SLC44A5: variants seen among roughly 807,000 people sequenced by gnomAD.
SLC44A5 encodes the protein solute carrier family 44 member 5, also known as choline transporter-like protein 5.
A neutral mutation model predicts 101.8 loss-of-function variants in SLC44A5; 57 were observed. That is an observed-to-expected ratio of 0.56 (90% CI 0.45 to 0.70). SLC44A5 has a LOEUF of 0.70. Among genes scored for constraint, SLC44A5 ranks in the 30% least tolerant of loss-of-function variants. SLC44A5 has a pLI of 0.00. For synonymous variants in SLC44A5, 281 were observed against 290.9 expected (o/e 0.97, Z 0.35); for missense variants, 737 against 853.1 (o/e 0.86, Z 1.70).
intron 14 of SLC44A5, 148 bp from the exon 15 acceptor site, chr1:75,220,040 A>G: frequency 2.0e-6 from 1 of 504,840 alleles, no homozygotes; most frequent in South Asian, 3.7e-5. Flanking sequence ...ATTTTTATTT[A>G]TTTATTTACT....
At chr1:75,517,191 TTTTAA>T (rs1669881337) in intron 2 of SLC44A5, among the ~76,000 whole-genome samples, 1 of 152,222 alleles carries the variant, frequency 6.6e-6, no homozygotes, top group African/African-American at 2.4e-5. Context: ...AATCCTTTTC[TTTTAA>T]TTTGTCTGCC....
chr1:75,604,790 G>C (rs915798558), intron 1 of SLC44A5, among the ~76,000 whole-genome samples: 12 of 151,386 alleles, frequency 7.9e-5, no homozygotes, highest in Admixed American at 2.6e-4. Flanking sequence ...CTGTAAATTA[G>C]GCTATGTTCT....
At chr1:75,502,014 T>A (rs1668986215) in intron 2 of SLC44A5, among the ~76,000 whole-genome samples, 1 of 152,188 alleles carries the variant, frequency 6.6e-6, no homozygotes, top group Non-Finnish European at 1.5e-5. Flanking sequence ...ATTACTGAAG[T>A]TCTTTGTGAT....
chr1:75,207,635 A>G (rs1001920837), intron 23 of SLC44A5, among the ~76,000 whole-genome samples: 8 of 152,174 alleles, frequency 5.3e-5, no homozygotes, highest in Admixed American at 2.0e-4. Flanking sequence ...ATGAAAAGCA[A>G]AAGAGGGAAC....
intron 2 of SLC44A5, among the ~76,000 whole-genome samples, chr1:75,416,023 A>G (rs1261506305): frequency 3.9e-5 from 6 of 152,212 alleles, no homozygotes; most frequent in Non-Finnish European, 8.8e-5. Flanking sequence ...CCATTTTCTG[A>G]GTAGAATCCA....
intron 3 of SLC44A5, among the ~76,000 whole-genome samples, chr1:75,389,296 G>A (rs1405802396): frequency 6.6e-6 from 1 of 151,952 alleles, no homozygotes; most frequent in Non-Finnish European, 1.5e-5. Context: ...AGAAATTCTG[G>A]ACTAAATTCA....
chr1:75,578,952 A>G (rs1294642275), intron 1 of SLC44A5, among the ~76,000 whole-genome samples: 1 of 152,220 alleles, frequency 6.6e-6, no homozygotes, highest in African/African-American at 2.4e-5. Flanking sequence ...CATTTAAAAT[A>G]TGAAAATATT....
chr1:75,529,158 G>A (rs1332991031), intron 2 of SLC44A5, among the ~76,000 whole-genome samples: 2 of 152,144 alleles, frequency 1.3e-5, no homozygotes, highest in African/African-American at 2.4e-5. Flanking sequence ...TAAATGCTTT[G>A]TTGGATGGAT....
intron 19 of SLC44A5, among the ~76,000 whole-genome samples, chr1:75,215,365 A>G (rs1226115283): frequency 6.6e-6 from 1 of 152,142 alleles, no homozygotes; most frequent in Non-Finnish European, 1.5e-5. Flanking sequence ...CATAAAAAGG[A>G]TAAGACCCTT....
intron 2 of SLC44A5, among the ~76,000 whole-genome samples, chr1:75,434,625 ACT>A (rs1273463192): frequency 1.1e-4 from 17 of 152,038 alleles, no homozygotes; most frequent in African/African-American, 4.1e-4. Context: ...TTCATGTGAC[ACT>A]CAGTCTGCTG....
intron 6 of SLC44A5, among the ~76,000 whole-genome samples, chr1:75,270,770 A>T (rs1170997670): frequency 6.6e-6 from 1 of 152,160 alleles, no homozygotes; most frequent in Non-Finnish European, 1.5e-5. Context: ...TGTAGTTTCC[A>T]ATATATTATT....
intron 7 of SLC44A5, 104 bp from the exon 8 acceptor site, chr1:75,243,115 A>C: frequency 1.5e-6 from 2 of 1,316,666 alleles, no homozygotes; most frequent in Non-Finnish European, 2.0e-6. Context: ...AAAGCAATGC[A>C]CTGTTTTCCA....
the SLC44A5 span, among the ~76,000 whole-genome samples, chr1:75,663,240 G>A: frequency 1.2e-4 from 19 of 152,066 alleles, no homozygotes; most frequent in Non-Finnish European, 2.5e-4. Context: ...CTTTTGGAAG[G>A]TAATTAGCTC....
At chr1:75,373,333 C>A (rs971933811) in intron 3 of SLC44A5, among the ~76,000 whole-genome samples, 1 of 152,122 alleles carries the variant, frequency 6.6e-6, no homozygotes, top group Non-Finnish European at 1.5e-5. Context: ...TGGCCCTCAA[C>A]AGGTCCTAAG....
chr1:75,269,440 C>G (rs944074915), intron 6 of SLC44A5, among the ~76,000 whole-genome samples: 1 of 151,880 alleles, frequency 6.6e-6, no homozygotes, highest in Non-Finnish European at 1.5e-5. Flanking sequence ...TTTCTATTTT[C>G]TGCTTTTGGT....
chr1:75,649,357 T>G, the SLC44A5 span, among the ~76,000 whole-genome samples: 3 of 152,222 alleles, frequency 2.0e-5, no homozygotes, highest in African/African-American at 7.2e-5. Flanking sequence ...TTCTATTTAT[T>G]ACTTAAAATA....
intron 2 of SLC44A5, among the ~76,000 whole-genome samples, chr1:75,461,591 C>T (rs1250205105): frequency 6.6e-6 from 1 of 152,166 alleles, no homozygotes; most frequent in African/African-American, 2.4e-5. Context: ...ATAAAATTCT[C>T]ATTATTGAGT....
chr1:75,641,493 A>C, the SLC44A5 span: 1 of 1,453,654 alleles, frequency 6.9e-7, no homozygotes. Flanking sequence ...GTTGGGTAAT[A>C]AATGTAAACA....
At chr1:75,480,988 A>C (rs1399581377) in intron 2 of SLC44A5, among the ~76,000 whole-genome samples, 3 of 152,182 alleles carry the variant, frequency 2.0e-5, no homozygotes, top group African/African-American at 7.2e-5. Flanking sequence ...GCATCACACT[A>C]CCTGACTTCA....
Sources: gnomAD v4.1 joint callset for allele counts (sites outside exome capture counted in the v4.1 genomes callset) on GRCh38, gnomAD v4.1.1 for gene constraint, MANE v1.5 for transcripts, NCBI Gene and HGNC (gene_info 2026-07-23, HGNC 2026-07-21) for gene names.